DLG2: variants seen among roughly 807,000 people sequenced by gnomAD.
DLG2 encodes the protein disks large homolog 2.
A neutral mutation model predicts 132.5 loss-of-function variants in DLG2; 45 were observed. That is an observed-to-expected ratio of 0.34 (90% CI 0.27 to 0.44). The LOEUF is 0.44. Among genes scored for constraint, DLG2 ranks in the 20% least tolerant of loss-of-function variants. DLG2 has a pLI of 1.00. For missense variants in DLG2, 1,045 were observed against 1,196.9 expected, an observed-to-expected ratio of 0.87 and a Z score of 1.87; for synonymous variants, 424 against 419.6, an observed-to-expected ratio of 1.01 and a Z score of -0.13.
intron 12 of DLG2, among the ~76,000 whole-genome samples, chr11:83,980,015 T>C (rs912250551): frequency 2.6e-5 from 4 of 152,206 alleles, no homozygotes; most frequent in Non-Finnish European, 4.4e-5. Context: ...CTCTTACTCA[T>C]AAATCTGCTG....
intron 6 of DLG2, among the ~76,000 whole-genome samples, chr11:84,951,594 A>G (rs2050924836): frequency 6.7e-6 from 1 of 150,212 alleles, no homozygotes; most frequent in African/African-American, 2.5e-5. Flanking sequence ...ACATACATAT[A>G]TATATACACA....
intron 18 of DLG2, among the ~76,000 whole-genome samples, chr11:83,652,752 C>CTG (rs1367025882): frequency 1.3e-5 from 2 of 152,152 alleles, no homozygotes; most frequent in Admixed American, 1.3e-4. Context: ...GGTAGCCCTT[C>CTG]TGTGTATAGT....
intron 10 of DLG2, among the ~76,000 whole-genome samples, chr11:84,084,304 T>C (rs982782952): frequency 6.6e-6 from 1 of 152,178 alleles, no homozygotes; most frequent in Non-Finnish European, 1.5e-5. Flanking sequence ...ATTTGAGAAT[T>C]CTAAAAAGTT....
At chr11:85,437,455 T>C (rs1434554631) in intron 3 of DLG2, among the ~76,000 whole-genome samples, 1 of 152,218 alleles carries the variant, frequency 6.6e-6, no homozygotes, top group Non-Finnish European at 1.5e-5. Context: ...AACATCACTC[T>C]GTAAAATCAG....
At chr11:84,226,358 C>G (rs1383206308) in intron 8 of DLG2, among the ~76,000 whole-genome samples, 3 of 152,166 alleles carry the variant, frequency 2.0e-5, no homozygotes, top group Non-Finnish European at 4.4e-5. Context: ...TCTAACCACT[C>G]AGCTACCTTA....
chr11:85,526,947 C>A (rs1207908989), intron 3 of DLG2, among the ~76,000 whole-genome samples: 1 of 151,964 alleles, frequency 6.6e-6, no homozygotes. Flanking sequence ...ATCACTTTTT[C>A]AATGAAAAAA....
chr11:84,860,702 AT>A (rs1420961945), intron 6 of DLG2, among the ~76,000 whole-genome samples: 11 of 152,092 alleles, frequency 7.2e-5, no homozygotes, highest in Non-Finnish European at 1.5e-4. Flanking sequence ...CCTTCTTTTC[AT>A]TGTCAGTTTA....
rs35006894 is a variant in DLG2, at chr11:84,352,134, C to A, written c.520-100843G>T. ...AAAAGGAAGATGGGTTCCCACCAAC[C>A]AAAAGAAGACCTTCTCCCGCTCTTG... On this transcript the variant is annotated intron_variant, in intron 7 of 27. Transcript: ENST00000376104. Among the ~76,000 whole-genome samples, 1,147 of 152,268 alleles carry A rather than the reference C, an allele frequency of 7.5e-3. 15 individuals are homozygous for A. The highest frequency in any genetic ancestry group is 0.014 in the Non-Finnish European group (919 of 68,018).
chr11:83,695,507 C>T (rs1207950285), intron 18 of DLG2, among the ~76,000 whole-genome samples: 1 of 152,082 alleles, frequency 6.6e-6, no homozygotes. Context: ...CTTTGGGAGG[C>T]CGAGGTGGGT....
chr11:84,955,809 T>G (rs796580904), intron 6 of DLG2: 2 of 152,324 alleles, frequency 1.3e-5, no homozygotes, highest in African/African-American at 4.8e-5. Context: ...ATGCCAAATA[T>G]TCTTAAAATA....
rs555720284 is a variant in DLG2, at chr11:84,575,858, T to C, written c.358-41127A>G. On this transcript the variant is annotated intron_variant, in intron 6 of 27. Coordinates refer to ENST00000376104, the MANE Select transcript of DLG2 (RefSeq NM_001142699.3). ...TTCTGTCAATCCACATCTGGTATAGTATTTCTCAACTCTAGCTAAAGAGTG... is the reference window on the plus strand; with the variant it reads ...TTCTGTCAATCCACATCTGGTATAGCATTTCTCAACTCTAGCTAAAGAGTG... 2.0e-5 allele frequency among the ~76,000 whole-genome samples: 3 copies of C among 152,332 alleles called. 1 individual carries two copies. The highest frequency in any genetic ancestry group is 7.2e-5 in the African/African-American group (3 of 41,584).
intron 6 of DLG2, among the ~76,000 whole-genome samples, chr11:84,700,083 T>C (rs1028534775): frequency 1.3e-5 from 2 of 151,686 alleles, no homozygotes; most frequent in African/African-American, 4.8e-5. Flanking sequence ...TAATAGGTAG[T>C]TAATAAATGC....
chr11:85,048,190 A>G (rs2062539406), intron 6 of DLG2, among the ~76,000 whole-genome samples: 1 of 151,978 alleles, frequency 6.6e-6, no homozygotes, highest in East Asian at 1.9e-4. Flanking sequence ...GTCAGACTAA[A>G]AATGACTAGA....
At chr11:84,166,516 A>AAAAAAAAAAAG (rs1555391545) in intron 8 of DLG2, among the ~76,000 whole-genome samples, 1 of 138,186 alleles carries the variant, frequency 7.2e-6, no homozygotes, top group African/African-American at 2.7e-5. Context: ...AAAAAAAAAA[A>AAAAAAAAAAAG]AAAAGAAAAG....
At chr11:84,008,119 T>C (rs2094669222) in intron 11 of DLG2, among the ~76,000 whole-genome samples, 2 of 151,814 alleles carry the variant, frequency 1.3e-5, no homozygotes, top group South Asian at 4.1e-4. Flanking sequence ...ACATCATCTA[T>C]TCTCTTATAT....
intron 3 of DLG2, among the ~76,000 whole-genome samples, chr11:85,418,536 A>G (rs948254051): frequency 1.3e-5 from 2 of 152,048 alleles, no homozygotes; most frequent in African/African-American, 4.8e-5. Context: ...AATATTGACA[A>G]TGGGGTGCTA....
intron 8 of DLG2, among the ~76,000 whole-genome samples, chr11:84,216,666 G>A (rs551055010): frequency 1.9e-4 from 29 of 152,222 alleles, no homozygotes; most frequent in African/African-American, 5.3e-4. Context: ...AAGGAGCAGC[G>A]GATGTGCAAT....
chr11:85,456,343 G>T (rs2092421636), intron 3 of DLG2, among the ~76,000 whole-genome samples: 1 of 151,862 alleles, frequency 6.6e-6, no homozygotes, highest in African/African-American at 2.4e-5. Context: ...GTGTTTATTT[G>T]GATTTTCTAT....
chr11:85,244,006 TATAA>T (rs1442905526), intron 4 of DLG2, among the ~76,000 whole-genome samples: 1 of 152,110 alleles, frequency 6.6e-6, no homozygotes, highest in South Asian at 2.1e-4. Flanking sequence ...ATGAAAAAAA[TATAA>T]ATAAAGTGCT....
Sources: gnomAD v4.1 joint callset for allele counts (sites outside exome capture counted in the v4.1 genomes callset) on GRCh38, gnomAD v4.1.1 for gene constraint, MANE v1.5 for transcripts, NCBI Gene and HGNC (gene_info 2026-07-23, HGNC 2026-07-21) for gene names.